Variants in ARFGEF3 observed in about 807,000 individuals in gnomAD.
ARFGEF3 encodes ARFGEF family member 3.
A neutral mutation model predicts 221.7 loss-of-function variants in ARFGEF3; 96 were observed. That is an observed-to-expected ratio of 0.43 (90% CI 0.37 to 0.51). The LOEUF (loss-of-function observed/expected upper bound fraction) is 0.51. ARFGEF3 is among the 20% of genes least tolerant of loss of function. The pLI, the probability that ARFGEF3 is intolerant of heterozygous loss-of-function variation, is 0.00. For missense variants in ARFGEF3, 2,410 were observed against 2,789.9 expected (o/e 0.86, Z 3.07); for synonymous variants, 1,145 against 1,126.8 (o/e 1.02, Z -0.32).
intron 29 of ARFGEF3, among the ~76,000 whole-genome samples, chr6:138,322,132 G>A (rs147424792): frequency 2.8e-3 from 422 of 152,228 alleles, no homozygotes; most frequent in African/African-American, 9.6e-3. Flanking sequence ...GGTGGGCCTC[G>A]TCCAATCAGT....
chr6:138,177,762 G>A (rs1430507272), intron 2 of ARFGEF3, among the ~76,000 whole-genome samples: 1 of 151,662 alleles, frequency 6.6e-6, no homozygotes, highest in East Asian at 1.9e-4. Context: ...TATTACTGAA[G>A]CTTTTGAATA....
intron 8 of ARFGEF3, among the ~76,000 whole-genome samples, chr6:138,246,165 G>A (rs148944445): frequency 7.7e-4 from 117 of 152,064 alleles, no homozygotes; most frequent in African/African-American, 2.6e-3. Flanking sequence ...CCATCTTTCC[G>A]TGCAGTCATT....
At chr6:138,167,893 A>G (rs1209382867) in intron 1 of ARFGEF3, among the ~76,000 whole-genome samples, 1 of 152,192 alleles carries the variant, frequency 6.6e-6, no homozygotes, top group African/African-American at 2.4e-5. Context: ...CCAGCCGTAC[A>G]TGGCCTGGCT....
At chr6:138,278,744 T>A in intron 13 of ARFGEF3, 127 bp downstream of exon 13, 1 of 947,994 alleles carries the variant, frequency 1.1e-6, no homozygotes, top group African/African-American at 1.6e-5. Flanking sequence ...AGGTTGGTAA[T>A]GCCAGTGGGA....
At chr6:138,329,256 A>G (rs1780177623) in intron 32 of ARFGEF3, among the ~76,000 whole-genome samples, 1 of 152,204 alleles carries the variant, frequency 6.6e-6, no homozygotes, top group Non-Finnish European at 1.5e-5. Context: ...AGCACTGTAT[A>G]TGAAACACAG....
At chr6:138,183,862 A>C (rs557845809) in intron 2 of ARFGEF3, among the ~76,000 whole-genome samples, 1 of 152,194 alleles carries the variant, frequency 6.6e-6, no homozygotes, top group Non-Finnish European at 1.5e-5. Flanking sequence ...AAGAGATCCC[A>C]TTGCAGGCCA....
chr6:138,262,824 C>T lies in ARFGEF3; in HGVS notation c.1341C>T (p.Ser447=), dbSNP rs116919932. The T allele has an allele frequency of 1.8e-5, 29 of 1,613,998 alleles. No individual in the cohort carries two copies. Among genetic ancestry groups the T allele is most frequent in the South Asian group, 1.6e-4 (15 of 91,080 alleles). Residue 447 remains serine (S), a synonymous_variant, in exon 12 of 34, where the codon AGC becomes AGT. Coordinates refer to ENST00000251691, the MANE Select transcript of ARFGEF3 (RefSeq NM_020340.5). ...AGCTCAGCCAGGGGAAGGGCTTGAG[C>T]GAAGGTCAGGTGCAACTGCTGCTTC... is the stretch of plus-strand genomic sequence containing the variant. The part of the protein sequence containing the change: ...LDELSQGKGL[S]EGQVQLLLLR...
At chr6:138,176,100 T>A (rs1372827926) in intron 2 of ARFGEF3, among the ~76,000 whole-genome samples, 1 of 152,164 alleles carries the variant, frequency 6.6e-6, no homozygotes, top group Non-Finnish European at 1.5e-5. Context: ...GAATATCTTT[T>A]CCCACCTCTG....
In ARFGEF3 at chr6:138,222,359, G is replaced by T. The variant is rs148708163; in HGVS notation, c.352-7425G>T. 8.3e-4 allele frequency among the ~76,000 whole-genome samples: 127 copies of T among 152,310 alleles called. 2 individuals are homozygous for T. In the South Asian group the frequency reaches 0.019, roughly 23 times the overall value. ...CTGGCCTACATGTGCCCCGTGGGCC[G>T]CAGGGTTGGACAAGCTTGTTGGTAG... On this transcript the variant is annotated intron_variant, in intron 4 of 33. Coordinates refer to ENST00000251691, the MANE Select transcript of ARFGEF3 (RefSeq NM_020340.5).
At chr6:138,287,951 C>T (rs534212244) in intron 17 of ARFGEF3, among the ~76,000 whole-genome samples, 4 of 152,020 alleles carry the variant, frequency 2.6e-5, no homozygotes, top group South Asian at 4.2e-4. Flanking sequence ...AGATCCCCAG[C>T]GTTAACTGAA....
intron 10 of ARFGEF3, among the ~76,000 whole-genome samples, chr6:138,256,743 T>A (rs1442321477): frequency 2.6e-5 from 4 of 152,228 alleles, no homozygotes; most frequent in African/African-American, 7.2e-5. Flanking sequence ...TATATTTTTT[T>A]AATTCATAAT....
chr6:138,229,642 G>A (rs1778153506), intron 4 of ARFGEF3, 142 bp from the exon 5 acceptor site: 1 of 648,354 alleles, frequency 1.5e-6, no homozygotes, highest in Non-Finnish European at 2.8e-6. Flanking sequence ...AGAAAGCAGT[G>A]GGTGGGATAT....
In ARFGEF3 at chr6:138,170,666, T is replaced by C; in HGVS notation, c.90T>C (p.Thr30=). ...TTTGTAATTTTTCTTTTGCAGAAACTCTAGGTGGTCTGGATACCATTGTCA... is the reference window on the plus strand; with the variant it reads ...TTTGTAATTTTTCTTTTGCAGAAACCCTAGGTGGTCTGGATACCATTGTCA... The part of the protein sequence containing the change: ...IKESCTWALE[T]LGGLDTIVKI... Residue 30 remains threonine, a synonymous_variant, in exon 2 of 34, where the codon ACT becomes ACC. Coordinates refer to ENST00000251691, the MANE Select transcript of ARFGEF3 (RefSeq NM_020340.5). The C allele has an allele frequency of 6.4e-7, 1 of 1,562,812 alleles. No homozygotes were observed. The highest frequency in any genetic ancestry group is 8.8e-7 in the Non-Finnish European group (1 of 1,133,872).
At chr6:138,171,855 G>A (rs1178515589) in intron 2 of ARFGEF3, among the ~76,000 whole-genome samples, 1 of 151,798 alleles carries the variant, frequency 6.6e-6, no homozygotes, top group Non-Finnish European at 1.5e-5. Context: ...TCCATTATAT[G>A]GCTGTAGCAT....
chr6:138,286,818 G>GAGC lies in ARFGEF3; in HGVS notation c.2688_2690dup (p.Ala897dup). ...TCCAAAGGGCTGGCCTTCATTCTGG[G>GAGC]AGCTGAAGGCATCAAAGAGCAGAAC... On this transcript the variant is annotated inframe_insertion, in exon 16 of 34. Transcript: ENST00000251691. 1.2e-6 allele frequency: 2 copies of GAGC among 1,614,022 alleles called. No individual in the cohort carries two copies. The highest frequency in any genetic ancestry group is 1.7e-6 in the Non-Finnish European group (2 of 1,179,898).
Position 138,170,676 on chromosome 6 carries a change from C to G in ARFGEF3, c.100C>G (p.Leu34Val). Reference sequence around the variant, plus strand: ...TTCTTTTGCAGAAACTCTAGGTGGTCTGGATACCATTGTCAAGATCCCTCC... The same window carrying G: ...TTCTTTTGCAGAAACTCTAGGTGGTGTGGATACCATTGTCAAGATCCCTCC... ...CTWALETLGG[L>V]DTIVKIPPHV... Residue 34 changes from leucine to valine, a missense_variant, in exon 2 of 34, where the codon CTG becomes GTG. Physicochemically the swap from Leu to Val is conservative, Grantham distance 32. This residue lies in a region of ARFGEF3 where 570 missense variants were observed against 586.9 expected (regional missense o/e 0.97). Transcript: ENST00000251691. 6.3e-7 allele frequency: 1 copy of G among 1,582,106 alleles called. No homozygotes were observed. The highest frequency in any genetic ancestry group is 8.7e-7 in the Non-Finnish European group (1 of 1,151,418).
At chr6:138,243,708 T>C (rs1469091965) in intron 7 of ARFGEF3, among the ~76,000 whole-genome samples, 2 of 138,812 alleles carry the variant, frequency 1.4e-5, no homozygotes, top group African/African-American at 3.1e-5. Flanking sequence ...GAGATGGAGG[T>C]GAGGAGGAGG....
intron 2 of ARFGEF3, among the ~76,000 whole-genome samples, chr6:138,182,087 C>T (rs1405586392): frequency 1.3e-5 from 2 of 152,040 alleles, no homozygotes; most frequent in African/African-American, 4.8e-5. Context: ...AGTGCTGGTC[C>T]CACTTAATCT....
At chr6:138,211,537 C>T (rs78941322) in intron 4 of ARFGEF3, among the ~76,000 whole-genome samples, 2,277 of 152,254 alleles carry the variant, frequency 0.015, 53 homozygotes, top group African/African-American at 0.051. Context: ...ACGCTAATCA[C>T]TTTTGTAACT....
Sources: allele counts gnomAD v4.1 joint callset (sites outside exome capture counted in the v4.1 genomes callset), GRCh38; gene constraint gnomAD v4.1.1; regional missense constraint gnomAD v4.1.1; transcripts MANE v1.5; gene names NCBI Gene and HGNC (gene_info 2026-07-23, HGNC 2026-07-21).